The following LRRC1 variants were observed in gnomAD, a reference collection of about 807,000 sequenced individuals.
The protein encoded by LRRC1 is leucine rich repeat containing 1.
LRRC1 carries 28 observed loss-of-function variants against 69.9 expected under a neutral mutation model. The ratio of observed to expected loss-of-function variants is 0.40; its 90% CI spans 0.30 to 0.55. LRRC1 has a LOEUF of 0.55. Among genes scored for constraint, LRRC1 ranks in the 20% least tolerant of loss-of-function variants. The probability of loss-of-function intolerance (pLI) is 0.47; values close to 1 mark genes in which losing one functional copy is unlikely to be tolerated. For synonymous variants in LRRC1, 236 were observed against 240.2 expected (o/e 0.98, Z 0.16); for missense variants, 498 against 609.0 (o/e 0.82, Z 1.92).
intron 2 of LRRC1, among the ~76,000 whole-genome samples, chr6:53,855,028 TAA>T (rs1766266363): frequency 6.6e-6 from 1 of 152,196 alleles, no homozygotes; most frequent in Non-Finnish European, 1.5e-5. Flanking sequence ...TGTGATAAGT[TAA>T]AAGTCAGCCA....
chr6:53,836,709 C>A (rs893162368), intron 1 of LRRC1, among the ~76,000 whole-genome samples: 1 of 152,086 alleles, frequency 6.6e-6, no homozygotes, highest in African/African-American at 2.4e-5. Flanking sequence ...CAGCTTACAG[C>A]AAATTATAAA....
At chr6:53,891,999 A>AATATAT (rs1554185480) in intron 4 of LRRC1, among the ~76,000 whole-genome samples, 15 of 133,726 alleles carry the variant, frequency 1.1e-4, no homozygotes, top group African/African-American at 4.3e-4. Flanking sequence ...CTAAAAAAAA[A>AATATAT]ATATATATAT....
intron 2 of LRRC1, among the ~76,000 whole-genome samples, chr6:53,870,633 G>C (rs1766851847): frequency 1.3e-5 from 2 of 152,120 alleles, no homozygotes; most frequent in African/African-American, 4.8e-5. Flanking sequence ...TAATTTCTTT[G>C]TGGTGAGATT....
rs147621436 is a variant in LRRC1 at position 53,834,957 on chromosome 6, G to A, written c.160-7153G>A. On this transcript the variant is annotated intron_variant, in intron 1 of 13. Transcript: ENST00000370888. ...AGCCTGGGCGACAGAGCGAGACTCCGTCTCAAAAAATAATAATAATAAAAA... is the reference window on the plus strand; with the variant it reads ...AGCCTGGGCGACAGAGCGAGACTCCATCTCAAAAAATAATAATAATAAAAA... Among the ~76,000 whole-genome samples the A allele has an allele frequency of 2.2e-3, 337 of 152,196 alleles. 2 individuals carry two copies. Among genetic ancestry groups the A allele is most frequent in the African/African-American group, 7.6e-3 (314 of 41,546 alleles).
chr6:53,896,617 C>T, intron 5 of LRRC1, 63 bp downstream of exon 5: 1 of 1,420,780 alleles, frequency 7.0e-7, no homozygotes, highest in Non-Finnish European at 9.9e-7. Flanking sequence ...TTTAAAAAAA[C>T]AGGACTACAG....
chr6:53,861,693 C>T (rs978734720), intron 2 of LRRC1, among the ~76,000 whole-genome samples: 1 of 152,050 alleles, frequency 6.6e-6, no homozygotes, highest in Non-Finnish European at 1.5e-5. Flanking sequence ...TTCTCCTGCC[C>T]TTCTGGAAAA....
At chr6:53,817,048 A>G (rs1336574966) in intron 1 of LRRC1, among the ~76,000 whole-genome samples, 2 of 152,212 alleles carry the variant, frequency 1.3e-5, no homozygotes, top group Admixed American at 6.5e-5. Context: ...AAATGTAGAA[A>G]TGTTTAAAGA....
intron 2 of LRRC1, among the ~76,000 whole-genome samples, chr6:53,856,026 C>T (rs906208994): frequency 6.6e-6 from 1 of 152,168 alleles, no homozygotes; most frequent in African/African-American, 2.4e-5. Context: ...TTCTTATCTC[C>T]AAAACCCTTC....
At chr6:53,874,247 A>C (rs1196782955) in intron 2 of LRRC1, among the ~76,000 whole-genome samples, 1 of 152,160 alleles carries the variant, frequency 6.6e-6, no homozygotes, top group Non-Finnish European at 1.5e-5. Flanking sequence ...ATTAAATAAG[A>C]TAATGTTTAT....
At chr6:53,798,607 C>T (rs1764372167) in intron 1 of LRRC1, among the ~76,000 whole-genome samples, 1 of 152,186 alleles carries the variant, frequency 6.6e-6, no homozygotes, top group Non-Finnish European at 1.5e-5. Context: ...TCTCGATCTC[C>T]TGACCTCATG....
chr6:53,868,970 A>G (rs191759145), intron 2 of LRRC1, among the ~76,000 whole-genome samples: 13 of 152,302 alleles, frequency 8.5e-5, no homozygotes, highest in South Asian at 4.1e-4. Flanking sequence ...CAGCACTTAC[A>G]TTATGATATA....
intron 2 of LRRC1, among the ~76,000 whole-genome samples, chr6:53,875,284 G>A (rs7773676): frequency 0.011 from 1,604 of 152,236 alleles, 24 homozygotes; most frequent in African/African-American, 0.036. Context: ...TTGATTAAAT[G>A]AAATATGAAA....
intron 1 of LRRC1, among the ~76,000 whole-genome samples, chr6:53,821,620 A>C (rs1470772243): frequency 6.6e-6 from 1 of 152,196 alleles, no homozygotes; most frequent in Non-Finnish European, 1.5e-5. Flanking sequence ...TGCTCTTAGA[A>C]TATTGGATGA....
At position 53,900,041 on chromosome 6, in the gene LRRC1, T is replaced by G. The variant is rs796630878; in HGVS notation, c.787+150T>G. ...TACTGTTTTTTTTTTTTTTTTTTTT[T>G]TTTTTTTTTTTTCTGAGATGGAGTC... On this transcript the variant is annotated intron_variant, in intron 8 of 13. Coordinates refer to ENST00000370888, the MANE Select transcript of LRRC1 (RefSeq NM_018214.5). 5.4e-4 allele frequency: 360 copies of G among 668,944 alleles called. 6 individuals carry two copies. The South Asian group carries it at 6.7e-3, about 12-fold the overall frequency. The allele number at this position is 668,944 out of a possible 1,614,324, so 41.4% of individuals were successfully genotyped here. A position where few individuals can be genotyped will look rare whatever the true frequency, so the allele number is the denominator to read the frequency against.
At chr6:53,875,737 A>C (rs1767044450) in intron 2 of LRRC1, among the ~76,000 whole-genome samples, 1 of 152,204 alleles carries the variant, frequency 6.6e-6, no homozygotes, top group African/African-American at 2.4e-5. Context: ...TGATGGTGGT[A>C]GTGGCGGTTT....
intron 3 of LRRC1, among the ~76,000 whole-genome samples, chr6:53,879,576 G>A (rs1456299997): frequency 6.6e-6 from 1 of 151,804 alleles, no homozygotes; most frequent in African/African-American, 2.4e-5. Flanking sequence ...GAGCCACCTC[G>A]CCCAGCCATA....
At chr6:53,911,380 A>G (rs1012237816) in intron 10 of LRRC1, among the ~76,000 whole-genome samples, 3 of 152,212 alleles carry the variant, frequency 2.0e-5, no homozygotes, top group African/African-American at 2.4e-5. Context: ...TTCACATGGT[A>G]TAGCAGTAGG....
intron 2 of LRRC1, among the ~76,000 whole-genome samples, chr6:53,860,262 ACATT>A (rs1177675692): frequency 8.5e-5 from 13 of 152,200 alleles, no homozygotes; most frequent in African/African-American, 3.1e-4. Context: ...AAGGACTAAA[ACATT>A]CATTCAATGG....
chr6:53,827,186 G>GCT (rs1334773638), intron 1 of LRRC1, among the ~76,000 whole-genome samples: 1 of 151,974 alleles, frequency 6.6e-6, no homozygotes, highest in Non-Finnish European at 1.5e-5. Flanking sequence ...CCCAAAAGCT[G>GCT]CTCTCTCTGC....
Sources: allele counts gnomAD v4.1 joint callset (sites outside exome capture counted in the v4.1 genomes callset), GRCh38; gene constraint gnomAD v4.1.1; transcripts MANE v1.5; gene names NCBI Gene and HGNC (gene_info 2026-07-23, HGNC 2026-07-21).